The following DNAI7 variants were observed in gnomAD, a reference collection of about 807,000 sequenced individuals.
DNAI7 encodes the protein dynein axonemal intermediate chain 7.
Under a neutral mutation model 86.6 loss-of-function variants are expected in DNAI7, and 78 were observed. That is an observed-to-expected ratio of 0.90 (90% CI 0.75 to 1.09). The LOEUF (loss-of-function observed/expected upper bound fraction) is 1.09, where lower values mean the gene tolerates loss of function less well. Among genes scored for constraint, DNAI7 ranks in the 50% least tolerant of loss-of-function variants. The pLI is 0.00. For synonymous variants in DNAI7, 274 were observed against 273.0 expected (o/e 1.00, Z -0.04); for missense variants, 753 against 810.2 (o/e 0.93, Z 0.86).
intron 1 of DNAI7, among the ~76,000 whole-genome samples, 181 bp from the exon 2 acceptor site, chr12:25,190,812 T>A (rs1473107152): frequency 6.6e-6 from 1 of 152,198 alleles, no homozygotes; most frequent in East Asian, 1.9e-4. Flanking sequence ...AATGCTTTTT[T>A]AAAAAGAGTT....
chr12:25,175,344 G>C (rs1948838697), intron 2 of DNAI7, among the ~76,000 whole-genome samples: 1 of 152,014 alleles, frequency 6.6e-6, no homozygotes, highest in African/African-American at 2.4e-5. Context: ...TCCCATTGCA[G>C]TGGATGAACT....
At chr12:25,136,421 C>T (rs964717136) in intron 9 of DNAI7, among the ~76,000 whole-genome samples, 1 of 152,082 alleles carries the variant, frequency 6.6e-6, no homozygotes, top group Non-Finnish European at 1.5e-5. Context: ...GCCCTTGAGC[C>T]CCAGATCTTT....
At chr12:25,116,345 A>C (rs1471241579) in intron 12 of DNAI7, among the ~76,000 whole-genome samples, 1 of 152,314 alleles carries the variant, frequency 6.6e-6, no homozygotes, top group East Asian at 1.9e-4. Context: ...CCTATAAATA[A>C]ATTCTCCAAA....
chr12:25,108,322 C>A lies in DNAI7; in HGVS notation c.*226G>T. 1.9e-6 allele frequency: 1 copy of A among 535,750 alleles called. No homozygotes were observed. Among genetic ancestry groups the A allele is most frequent in the Non-Finnish European group, 3.2e-6 (1 of 314,372 alleles). The allele number at this position is 535,750 out of a possible 1,614,324, so 33.2% of individuals were successfully genotyped here. A position where few individuals can be genotyped will look rare whatever the true frequency, so the allele number is the denominator to read the frequency against. On this transcript the variant is annotated 3_prime_UTR_variant, in exon 16 of 16. Coordinates refer to ENST00000395987, the MANE Select transcript of DNAI7 (RefSeq NM_018272.5). ...GTTAAAGTTTATTGAAATAAAGAAT[C>A]ATTTAAATCTTCATAGAGTGAAAGC...
At chr12:25,135,721 T>A (rs773526633) in intron 9 of DNAI7, among the ~76,000 whole-genome samples, 3 of 151,986 alleles carry the variant, frequency 2.0e-5, no homozygotes, top group Non-Finnish European at 4.4e-5. Context: ...GTGAGGCCCA[T>A]CACTGCTGAC....
chr12:25,110,707 A>G (rs193019608), intron 14 of DNAI7, among the ~76,000 whole-genome samples: 16 of 152,234 alleles, frequency 1.1e-4, no homozygotes, highest in African/African-American at 3.4e-4. Flanking sequence ...CTGACACCCT[A>G]TTTAATATGG....
At chr12:25,137,651 C>T (rs941580350) in intron 9 of DNAI7, among the ~76,000 whole-genome samples, 1 of 151,998 alleles carries the variant, frequency 6.6e-6, no homozygotes, top group African/African-American at 2.4e-5. Context: ...CCAAGAGACT[C>T]ATCTAACACA....
intron 1 of DNAI7, among the ~76,000 whole-genome samples, chr12:25,191,578 T>C (rs1007296531): frequency 1.4e-4 from 21 of 150,896 alleles, no homozygotes; most frequent in African/African-American, 4.6e-4. Flanking sequence ...GTGGCATGTG[T>C]CTGTAGTCCC....
intron 2 of DNAI7, among the ~76,000 whole-genome samples, chr12:25,165,276 C>T (rs1592560240): frequency 6.6e-6 from 1 of 152,308 alleles, no homozygotes; most frequent in East Asian, 1.9e-4. Context: ...TAGAGGCAGC[C>T]AAGTAGCAAT....
At chr12:25,139,697 G>C (rs772792786) in intron 9 of DNAI7, among the ~76,000 whole-genome samples, 3 of 152,058 alleles carry the variant, frequency 2.0e-5, no homozygotes, top group Non-Finnish European at 4.4e-5. Flanking sequence ...GGGGCCTGTC[G>C]GGGGATGGGG....
chr12:25,170,863 CCTG>C (rs1413030930), intron 2 of DNAI7, among the ~76,000 whole-genome samples: 1 of 152,132 alleles, frequency 6.6e-6, no homozygotes, highest in African/African-American at 2.4e-5. Flanking sequence ...AATTAAGTAA[CCTG>C]CTGAATGAGC....
At chr12:25,128,076 A>G (rs1942389281) in intron 9 of DNAI7, among the ~76,000 whole-genome samples, 1 of 152,244 alleles carries the variant, frequency 6.6e-6, no homozygotes, top group African/African-American at 2.4e-5. Flanking sequence ...AAAAGAATAT[A>G]TGAAACTGAT....
At chr12:25,192,226 TA>T (rs1950591404) in intron 1 of DNAI7, among the ~76,000 whole-genome samples, 1 of 152,238 alleles carries the variant, frequency 6.6e-6, no homozygotes, top group South Asian at 2.1e-4. Context: ...AAATAAGTAC[TA>T]AACAGCTGAA....
intron 7 of DNAI7, 140 bp from the exon 8 acceptor site, chr12:25,147,244 A>G (rs749493372): frequency 7.1e-5 from 39 of 546,072 alleles, no homozygotes; most frequent in Non-Finnish European, 1.1e-4. Context: ...ATAAGGTTCA[A>G]TCAACATGAC....
chr12:25,181,656 T>C (rs1398213275), intron 2 of DNAI7, among the ~76,000 whole-genome samples: 1 of 150,986 alleles, frequency 6.6e-6, no homozygotes. Context: ...AAAGGACAAA[T>C]ACCCAGAATC....
At chr12:25,137,275 G>A (rs1452906012) in intron 9 of DNAI7, among the ~76,000 whole-genome samples, 1 of 152,096 alleles carries the variant, frequency 6.6e-6, no homozygotes, top group Non-Finnish European at 1.5e-5. Flanking sequence ...TTTGTATCCA[G>A]CAAAACTAAG....
chr12:25,164,736 C>T (rs1435199944), intron 2 of DNAI7, among the ~76,000 whole-genome samples: 2 of 152,100 alleles, frequency 1.3e-5, no homozygotes, highest in African/African-American at 4.8e-5. Context: ...CGCCTGTCCC[C>T]TCAGTCCCAA....
chr12:25,142,405 G>C (rs1446346455), intron 9 of DNAI7, among the ~76,000 whole-genome samples: 5 of 151,874 alleles, frequency 3.3e-5, no homozygotes, highest in Non-Finnish European at 7.4e-5. Context: ...CCACTGCTCG[G>C]GTAATGGGTG....
chr12:25,164,106 C>A (rs927467785), intron 2 of DNAI7, among the ~76,000 whole-genome samples: 1 of 152,162 alleles, frequency 6.6e-6, no homozygotes, highest in Non-Finnish European at 1.5e-5. Context: ...GGGCAAGAAA[C>A]CCCCAACCCC....
Sources: allele counts gnomAD v4.1 joint callset (sites outside exome capture counted in the v4.1 genomes callset), GRCh38; gene constraint gnomAD v4.1.1; transcripts MANE v1.5; gene names NCBI Gene and HGNC (gene_info 2026-07-23, HGNC 2026-07-21).